Variants in TXK observed in about 807,000 individuals in gnomAD.
TXK encodes the protein TXK tyrosine kinase, also known as tyrosine-protein kinase TXK.
A neutral mutation model predicts 81.0 loss-of-function variants in TXK; 60 were observed. The observed-to-expected ratio is 0.74, with a 90% CI of 0.60 to 0.92. The LOEUF (loss-of-function observed/expected upper bound fraction) is 0.92, where lower values mean the gene tolerates loss of function less well. TXK is among the 40% of genes least tolerant of loss of function. The probability of loss-of-function intolerance (pLI) is 0.00; values close to 1 mark genes in which losing one functional copy is unlikely to be tolerated. For synonymous variants in TXK, 203 were observed against 210.7 expected, an observed-to-expected ratio of 0.96 and a Z score of 0.32; for missense variants, 581 against 638.3, an observed-to-expected ratio of 0.91 and a Z score of 0.97.
chr4:48,110,397 T>C, intron 5 of TXK, 141 bp downstream of exon 5: 1 of 623,026 alleles, frequency 1.6e-6, no homozygotes, highest in South Asian at 1.9e-5. Flanking sequence ...TCAACCATGA[T>C]AAGGATCAAA....
At chr4:48,075,511 G>T (rs542130539) in intron 12 of TXK, among the ~76,000 whole-genome samples, 3 of 152,214 alleles carry the variant, frequency 2.0e-5, no homozygotes, top group South Asian at 2.1e-4. Context: ...TTAGCTGGGC[G>T]TGGTGGCATG....
rs879415170 is a variant in TXK at position 48,120,156 on chromosome 4, CAT to C, written c.17-5756_17-5755del. 2.8e-4 allele frequency among the ~76,000 whole-genome samples: 24 copies of C among 85,950 alleles called. 1 individual carries two copies. Among genetic ancestry groups the C allele is most frequent in the Non-Finnish European group, 3.9e-4 (19 of 49,264 alleles). 56.4% of individuals were successfully genotyped at this position (85,950 alleles called of 152,430 possible). ...ATACATGTGTATATATGTATATATG[CAT>C]ATATATGTATATACGTATATGTGTA... On this transcript the variant is annotated intron_variant, in intron 1 of 14. Transcript: ENST00000264316.
chr4:48,115,570 A>T (rs1718779205), intron 1 of TXK, among the ~76,000 whole-genome samples: 1 of 152,176 alleles, frequency 6.6e-6, no homozygotes, highest in African/African-American at 2.4e-5. Context: ...AAATAAGCCA[A>T]GGGTGGTGGC....
At chr4:48,112,690 C>T (rs1020338768) in intron 3 of TXK, among the ~76,000 whole-genome samples, 178 bp from the exon 4 acceptor site, 3 of 152,152 alleles carry the variant, frequency 2.0e-5, no homozygotes, top group Non-Finnish European at 4.4e-5. Flanking sequence ...TAGGATCCAG[C>T]AATACACTCA....
At position 48,086,602 on chromosome 4, in the gene TXK, T is replaced by C. The variant is rs1717540780; in HGVS notation, c.820A>G (p.Ile274Val). The part of the protein sequence containing the change: ...WEIDPSELAF[I>V]KEIGSGQFGV... ...AACTGACCGCTTCCAATCTCCTTTA[T>C]AAAAGCCAACTCAGATGGATCTATC... Residue 274 changes from isoleucine to valine, a missense_variant, in exon 10 of 15, where the codon ATA (isoleucine) becomes GTA (valine). Physicochemically the swap from Ile to Val is conservative, Grantham distance 29 (BLOSUM62 3). Coordinates refer to ENST00000264316, the MANE Select transcript of TXK (RefSeq NM_003328.3). 6.2e-7 allele frequency: 1 copy of C among 1,614,062 alleles called. No homozygotes were observed. Among genetic ancestry groups the C allele is most frequent in the East Asian group, 2.2e-5 (1 of 44,880 alleles).
At chr4:48,125,684 C>T (rs16860981) in intron 1 of TXK, among the ~76,000 whole-genome samples, 3,362 of 152,250 alleles carry the variant, frequency 0.022, 140 homozygotes, top group African/African-American at 0.078. Context: ...AGTGCAGAGG[C>T]GTGTACATGT....
intron 10 of TXK, among the ~76,000 whole-genome samples, chr4:48,082,354 TA>T (rs950477917): frequency 1.3e-5 from 2 of 152,202 alleles, no homozygotes; most frequent in African/African-American, 4.8e-5. Flanking sequence ...TTAAGTCTAC[TA>T]AGAAACATTT....
At chr4:48,107,006 G>C (rs1718479376) in intron 5 of TXK, among the ~76,000 whole-genome samples, 1 of 151,860 alleles carries the variant, frequency 6.6e-6, no homozygotes, top group African/African-American at 2.4e-5. Context: ...ACTTGCATAG[G>C]GCTTATTACA....
intron 10 of TXK, among the ~76,000 whole-genome samples, chr4:48,083,607 A>G (rs1241429350): frequency 1.3e-5 from 2 of 152,202 alleles, no homozygotes; most frequent in Non-Finnish European, 2.9e-5. Context: ...TCTTACCTAT[A>G]AAGTTGGGAT....
intron 1 of TXK, among the ~76,000 whole-genome samples, chr4:48,126,327 T>C (rs1304706372): frequency 6.6e-6 from 1 of 152,258 alleles, no homozygotes; most frequent in Admixed American, 6.5e-5. Flanking sequence ...AAGCATTTCT[T>C]TTCTCTAGCT....
In TXK at chr4:48,114,374, G is replaced by C; in HGVS notation, c.45C>G (p.Cys15Trp). 1 of 1,614,114 alleles carries C rather than the reference G, an allele frequency of 6.2e-7. No homozygotes were observed. Among genetic ancestry groups the C allele is most frequent in the Non-Finnish European group, 8.5e-7 (1 of 1,180,000 alleles). Reference sequence around the variant, plus strand: ...GCTTCTGCACTGAACAGCAACAGCAGCAACAGAAAACCGACTGGATGGTGT... The same window carrying C: ...GCTTCTGCACTGAACAGCAACAGCACCAACAGAAAACCGACTGGATGGTGT... ...SYNTIQSVFC[C>W]CCCCSVQKRQ... The change falls in exon 2 of 15, where the codon TGC becomes TGG. Residue 15 changes from cysteine (C) to tryptophan (W), a missense_variant. Physicochemically the swap from Cys to Trp is radical, Grantham distance 215. Coordinates refer to ENST00000264316, the MANE Select transcript of TXK (RefSeq NM_003328.3).
chr4:48,092,660 A>C (rs1035233508), intron 8 of TXK, among the ~76,000 whole-genome samples: 3 of 152,212 alleles, frequency 2.0e-5, no homozygotes, highest in Non-Finnish European at 4.4e-5. Context: ...AGAAAGTCTT[A>C]AGCATGTTTA....
chr4:48,075,858 G>C (rs1717050226), intron 12 of TXK, among the ~76,000 whole-genome samples: 1 of 151,846 alleles, frequency 6.6e-6, no homozygotes, highest in South Asian at 2.1e-4. Context: ...TGAAGCTTAG[G>C]GAAGCTAGAG....
chr4:48,104,786 G>T, intron 6 of TXK, 115 bp downstream of exon 6: 1 of 735,650 alleles, frequency 1.4e-6, no homozygotes, highest in Non-Finnish European at 2.3e-6. Context: ...TAGTTGGGAT[G>T]TAATGATATT....
chr4:48,131,084 T>C (rs1719236834), intron 1 of TXK, among the ~76,000 whole-genome samples: 2 of 152,184 alleles, frequency 1.3e-5, no homozygotes, highest in African/African-American at 4.8e-5. Flanking sequence ...GGATCTGTTC[T>C]CAGGGCAACT....
chr4:48,080,276 T>G (rs1437306963), intron 10 of TXK, 148 bp from the exon 11 acceptor site: 1 of 669,850 alleles, frequency 1.5e-6, no homozygotes, highest in African/African-American at 1.8e-5. Flanking sequence ...AGTAGTTCAG[T>G]TTCCTTGCCA....
At chr4:48,131,995 G>A (rs1719257388) in intron 1 of TXK, among the ~76,000 whole-genome samples, 1 of 151,228 alleles carries the variant, frequency 6.6e-6, no homozygotes. Context: ...TGCGTGAATG[G>A]AAGACTATGA....
intron 8 of TXK, among the ~76,000 whole-genome samples, chr4:48,091,614 T>A (rs1381827318): frequency 2.6e-5 from 4 of 152,116 alleles, no homozygotes; most frequent in Admixed American, 6.5e-5. Context: ...CAAGCGATTC[T>A]CCTGCCTCAG....
At chr4:48,079,889 A>C (rs1474903962) in intron 11 of TXK, 23 bp downstream of exon 11, 2 of 1,565,202 alleles carry the variant, frequency 1.3e-6, no homozygotes, top group Non-Finnish European at 1.8e-6. Context: ...CAAAAAAAAA[A>C]AGTAAATTTG....
Sources: gnomAD v4.1 joint callset for allele counts (sites outside exome capture counted in the v4.1 genomes callset) on GRCh38, gnomAD v4.1.1 for gene constraint, MANE v1.5 for transcripts, NCBI Gene and HGNC (gene_info 2026-07-23, HGNC 2026-07-21) for gene names.